The following HYDIN variants were observed in gnomAD, a reference collection of about 807,000 sequenced individuals.
HYDIN encodes the protein axonemal central pair apparatus protein HYDIN.
HYDIN carries 132 observed loss-of-function variants against 403.9 expected under a neutral mutation model. That is an observed-to-expected ratio of 0.33 (90% CI 0.28 to 0.38). HYDIN has a LOEUF of 0.38. HYDIN is among the 10% of genes least tolerant of loss of function. The pLI, the probability that HYDIN is intolerant of heterozygous loss-of-function variation, is 1.00. For synonymous variants in HYDIN, 1,202 were observed against 1,891.7 expected, an observed-to-expected ratio of 0.64 and a Z score of 9.46; for missense variants, 2,827 against 5,009.5, an observed-to-expected ratio of 0.56 and a Z score of 13.15.
chr16:70,843,801 GAGCATTTTTTC>G (rs1413995384), intron 75 of HYDIN, among the ~76,000 whole-genome samples: 1 of 60,082 alleles, frequency 1.7e-5, no homozygotes, highest in East Asian at 4.5e-4. Flanking sequence ...CAGTGATGAT[GAGCATTTTTTC>G]ATGTGTTTTT....
At chr16:71,195,735 T>C (rs935974500) in intron 1 of HYDIN, among the ~76,000 whole-genome samples, 1 of 152,248 alleles carries the variant, frequency 6.6e-6, no homozygotes, top group African/African-American at 2.4e-5. Context: ...CTGCAGGATA[T>C]GTGCCTTCTT....
chr16:71,010,690 C>T (rs1038870925), intron 23 of HYDIN, among the ~76,000 whole-genome samples: 2 of 152,234 alleles, frequency 1.3e-5, no homozygotes, highest in African/African-American at 2.4e-5. Flanking sequence ...ACACCAGCAC[C>T]CTGAGCTACC....
rs577343518 is a variant in HYDIN at position 71,229,435 on chromosome 16, T to A, written c.-24+1127A>T. 1.3e-5 allele frequency among the ~76,000 whole-genome samples: 2 copies of A among 152,318 alleles called. 1 individual carries two copies. The highest frequency in any genetic ancestry group is 1.3e-4 in the Admixed American group (2 of 15,304). On this transcript the variant is annotated intron_variant, in intron 1 of 85. Transcript: ENST00000393567. ...AGGTATTTATCAAAATAATAACATA[T>A]GTCCATACAAATACCTGTATGGGAA...
intron 9 of HYDIN, 78 bp from the exon 10 acceptor site, chr16:71,115,873 C>T (rs1364827512): frequency 3.7e-5 from 32 of 865,002 alleles, no homozygotes; most frequent in Non-Finnish European, 5.0e-5. Flanking sequence ...TACATTAAAA[C>T]TCCAATAAAT....
At chr16:70,881,238 A>AAT (rs1268909766) in intron 60 of HYDIN, among the ~76,000 whole-genome samples, 1 of 139,434 alleles carries the variant, frequency 7.2e-6, no homozygotes, top group African/African-American at 3.1e-5. Flanking sequence ...AAAAAAAAAA[A>AAT]AAAAAATCAG....
intron 7 of HYDIN, among the ~76,000 whole-genome samples, chr16:71,137,762 AGAAGAGC>A (rs1196348935): frequency 6.6e-6 from 1 of 152,148 alleles, no homozygotes; most frequent in Non-Finnish European, 1.5e-5. Flanking sequence ...ACTATACTTA[AGAAGAGC>A]TGCTCAATAT....
chr16:71,204,930 A>C (rs1268373770), intron 1 of HYDIN, among the ~76,000 whole-genome samples: 1 of 152,224 alleles, frequency 6.6e-6, no homozygotes, highest in South Asian at 2.1e-4. Context: ...GAAAAGCTAT[A>C]GGTGAAAAAA....
At chr16:71,004,548 C>G (rs2079834487) in intron 23 of HYDIN, among the ~76,000 whole-genome samples, 1 of 152,028 alleles carries the variant, frequency 6.6e-6, no homozygotes, top group East Asian at 1.9e-4. Flanking sequence ...TTAAACCAAC[C>G]TTGCATTCCT....
chr16:71,055,634 A>C (rs1337938254), intron 18 of HYDIN, among the ~76,000 whole-genome samples: 2 of 140,344 alleles, frequency 1.4e-5, no homozygotes, highest in African/African-American at 5.3e-5. Context: ...AAGAAAAATA[A>C]ATGTTTTAAA....
At chr16:71,017,196 A>G (rs1010665401) in intron 23 of HYDIN, among the ~76,000 whole-genome samples, 1 of 151,226 alleles carries the variant, frequency 6.6e-6, no homozygotes, top group Non-Finnish European at 1.5e-5. Context: ...AAAAAAAAAA[A>G]AAAAATTGCC....
chr16:71,164,888 C>T (rs918677945), intron 5 of HYDIN, among the ~76,000 whole-genome samples: 12 of 151,722 alleles, frequency 7.9e-5, no homozygotes, highest in African/African-American at 1.9e-4. Context: ...ATCTCTCCAG[C>T]GGTCTGGCTT....
chr16:71,089,916 TTGTTG>T lies in HYDIN; in HGVS notation c.1447-1397_1447-1393del, dbSNP rs552573869. 2.0e-4 allele frequency among the ~76,000 whole-genome samples: 26 copies of T among 130,118 alleles called. No homozygotes were observed. The South Asian group carries it at 7.8e-3, about 39-fold the overall frequency. The allele number at this position is 130,118 out of a possible 152,430, so 85.4% of individuals were successfully genotyped here. On this transcript the variant is annotated intron_variant, in intron 11 of 85. Coordinates refer to ENST00000393567, the MANE Select transcript of HYDIN (RefSeq NM_001270974.2). Reference sequence around the variant, plus strand: ...ACACTCACCCAAGTGCTGCCTGTTGTTGTTGTAAGAGAAGAGAGCTTGGTAACTAA... The same window carrying T: ...ACACTCACCCAAGTGCTGCCTGTTGTTAAGAGAAGAGAGCTTGGTAACTAA...
intron 6 of HYDIN, among the ~76,000 whole-genome samples, chr16:71,156,478 GTGT>G (rs1425741204): frequency 4.6e-5 from 7 of 152,178 alleles, no homozygotes; most frequent in African/African-American, 1.7e-4. Context: ...GAAGTAAAAG[GTGT>G]TGTTCTTCAA....
At chr16:70,836,819 C>T (rs1270967888) in intron 77 of HYDIN, among the ~76,000 whole-genome samples, 1 of 152,184 alleles carries the variant, frequency 6.6e-6, no homozygotes, top group Non-Finnish European at 1.5e-5. Flanking sequence ...TGTGCATCTT[C>T]CCAAAATATC....
chr16:70,908,786 T>C lies in HYDIN; in HGVS notation c.8080A>G (p.Ile2694Val). The change falls in exon 48 of 86, where the codon ATT (isoleucine) becomes GTT (valine). Residue 2694 changes from isoleucine (I) to valine (V), a missense_variant. Coordinates refer to ENST00000393567, the MANE Select transcript of HYDIN (RefSeq NM_001270974.2). ...GCCATGTGACGCTTGTCTTTCTGAA[T>C]CTCGAAGACTTGGTCTATCTTTTCT... is the stretch of plus-strand genomic sequence containing the variant. The part of the protein sequence containing the change: ...MKEKIDQVFE[I>V]QKDKRHMALN... 1 of 1,614,252 alleles carries C rather than the reference T, an allele frequency of 6.2e-7. No individual in the cohort carries two copies. The highest frequency in any genetic ancestry group is 8.5e-7 in the Non-Finnish European group (1 of 1,180,048).
chr16:70,908,502 T>C, intron 48 of HYDIN, 68 bp from the exon 49 acceptor site: 6 of 1,401,824 alleles, frequency 4.3e-6, no homozygotes, highest in Non-Finnish European at 5.8e-6. Context: ...ACAGGAGAGC[T>C]GCCTGGAAGT....
chr16:70,925,215 T>C (rs1330144914), intron 45 of HYDIN, among the ~76,000 whole-genome samples: 2 of 152,184 alleles, frequency 1.3e-5, no homozygotes, highest in Non-Finnish European at 2.9e-5. Context: ...GTGGGCATGG[T>C]GGCTCATGCC....
Position 70,803,922 on chromosome 16 carries a change from A to C in HYDIN, c.*3658T>G, listed in dbSNP as rs1236640340. On this transcript the variant is annotated 3_prime_UTR_variant, in exon 86 of 86. Transcript: ENST00000393567. ...ACAGTGCTCCTTGGAGTTCTGCCAC[A>C]CAGCTACCCTGACATTTTCTGAACA... 6.6e-6 allele frequency among the ~76,000 whole-genome samples: 1 copy of C among 152,178 alleles called. No homozygotes were observed. Among genetic ancestry groups the C allele is most frequent in the Non-Finnish European group, 1.5e-5 (1 of 68,032 alleles).
intron 23 of HYDIN, among the ~76,000 whole-genome samples, chr16:71,000,902 G>A (rs565492846): frequency 4.6e-5 from 7 of 152,316 alleles, no homozygotes; most frequent in East Asian, 3.9e-4. Flanking sequence ...TAACAGTATC[G>A]TATTTGTAAT....
Sources: allele counts gnomAD v4.1 joint callset (sites outside exome capture counted in the v4.1 genomes callset), GRCh38; gene constraint gnomAD v4.1.1; transcripts MANE v1.5; gene names NCBI Gene and HGNC (gene_info 2026-07-23, HGNC 2026-07-21).